MYOF: variants seen among roughly 807,000 people sequenced by gnomAD.
MYOF encodes fer-1-like 3, myoferlin.
Under a neutral mutation model 284.2 loss-of-function variants are expected in MYOF, and 244 were observed. The ratio of observed to expected loss-of-function variants is 0.86; its 90% CI spans 0.77 to 0.95. The LOEUF (loss-of-function observed/expected upper bound fraction) is 0.95, where lower values mean the gene tolerates loss of function less well. MYOF is among the 40% of genes least tolerant of loss of function. MYOF has a pLI of 0.00. For synonymous variants in MYOF, 904 were observed against 919.7 expected (o/e 0.98, Z 0.31); for missense variants, 2,496 against 2,560.6 (o/e 0.97, Z 0.54).
intron 1 of MYOF, 139 bp from the exon 2 acceptor site, chr10:93,457,076 T>G: frequency 1.6e-5 from 10 of 619,166 alleles, no homozygotes; most frequent in Non-Finnish European, 2.5e-5. Context: ...GATGGGTGTT[T>G]ACCTGAATCA....
At chr10:93,422,187 A>C (rs1403126757) in intron 5 of MYOF, among the ~76,000 whole-genome samples, 1 of 152,268 alleles carries the variant, frequency 6.6e-6, no homozygotes, top group Admixed American at 6.5e-5. Context: ...CCCTGCAGAC[A>C]CAGCTCATTT....
intron 1 of MYOF, among the ~76,000 whole-genome samples, chr10:93,460,914 G>A (rs1157999089): frequency 1.3e-5 from 2 of 152,070 alleles, no homozygotes; most frequent in African/African-American, 4.8e-5. Flanking sequence ...TGGCCAACTT[G>A]GTGAAACCCA....
At chr10:93,432,283 A>C (rs1305221354) in intron 3 of MYOF, among the ~76,000 whole-genome samples, 1 of 152,042 alleles carries the variant, frequency 6.6e-6, no homozygotes, top group African/African-American at 2.4e-5. Context: ...AGCTACATGG[A>C]AGAATAAGAT....
intron 43 of MYOF, among the ~76,000 whole-genome samples, chr10:93,331,140 C>A (rs1018816635): frequency 1.3e-5 from 2 of 152,120 alleles, no homozygotes; most frequent in Non-Finnish European, 2.9e-5. Context: ...GTGGAAGACA[C>A]CGATATTCTT....
intron 24 of MYOF, among the ~76,000 whole-genome samples, chr10:93,371,993 T>A (rs983630196): frequency 2.6e-5 from 4 of 152,208 alleles, no homozygotes; most frequent in African/African-American, 9.6e-5. Context: ...TGTGGTTCTA[T>A]CTTAAGTAAA....
intron 7 of MYOF, among the ~76,000 whole-genome samples, chr10:93,405,095 T>C (rs1252174557): frequency 6.6e-6 from 1 of 150,416 alleles, no homozygotes; most frequent in Non-Finnish European, 1.5e-5. Flanking sequence ...TCACCAATTG[T>C]TCCATTTTTG....
chr10:93,355,757 C>A, intron 30 of MYOF, 21 bp from the exon 31 acceptor site: 1 of 1,582,112 alleles, frequency 6.3e-7, no homozygotes, highest in African/African-American at 1.3e-5. Flanking sequence ...TTAACAGAGT[C>A]AATTAGCAGA....
At chr10:93,361,126 G>A (rs1845050958) in intron 28 of MYOF, among the ~76,000 whole-genome samples, 1 of 152,188 alleles carries the variant, frequency 6.6e-6, no homozygotes, top group Non-Finnish European at 1.5e-5. Flanking sequence ...GAGGGAGGAT[G>A]GCTAGATTCC....
At chr10:93,460,698 C>T (rs1321200689) in intron 1 of MYOF, among the ~76,000 whole-genome samples, 5 of 145,074 alleles carry the variant, frequency 3.4e-5, no homozygotes, top group East Asian at 2.1e-4. Context: ...ACCCAGGAGG[C>T]GGAAGTTGCA....
Position 93,343,867 on chromosome 10 carries a change from G to A in MYOF, c.4315C>T (p.Leu1439=), listed in dbSNP as rs1369580508. The A allele has an allele frequency of 6.2e-7, 1 of 1,614,190 alleles. No individual in the cohort carries two copies. The highest frequency in any genetic ancestry group is 1.1e-5 in the South Asian group (1 of 91,080). ...VIEMEDTKPL[L]ASKLTEKEEE... is the part of the protein sequence containing the mutation. Reference sequence around the variant, plus strand: ...GCTCTGAAGCCTACCTTAGAAGCCAGTAATGGTTTGGTGTCTTCCATTTCG... The same window carrying A: ...GCTCTGAAGCCTACCTTAGAAGCCAATAATGGTTTGGTGTCTTCCATTTCG... Residue 1439 remains leucine, a synonymous_variant, in exon 38 of 54, where the codon CTG becomes TTG. Transcript: ENST00000359263.
intron 38 of MYOF, 165 bp from the exon 39 acceptor site, chr10:93,340,329 C>A: frequency 1.4e-6 from 1 of 689,674 alleles, no homozygotes; most frequent in African/African-American, 1.8e-5. Flanking sequence ...TTAAAATTTT[C>A]TAAGTCAGGA....
intron 5 of MYOF, among the ~76,000 whole-genome samples, chr10:93,411,815 T>C (rs1847912136): frequency 6.6e-6 from 1 of 152,186 alleles, no homozygotes; most frequent in African/African-American, 2.4e-5. Context: ...TCCGTGCCCT[T>C]TTCTGTATCT....
chr10:93,309,948 C>T (rs560695135), intron 53 of MYOF, 72 bp downstream of exon 53: 3 of 1,586,006 alleles, frequency 1.9e-6, no homozygotes, highest in Non-Finnish European at 2.6e-6. Context: ...GTGGTCAGGG[C>T]AGATGCCAAG....
At chr10:93,406,288 T>TTTTATATATATATATATA (rs1271223936) in intron 7 of MYOF, among the ~76,000 whole-genome samples, 58 of 58,140 alleles carry the variant, frequency 1.0e-3, no homozygotes, top group African/African-American at 1.9e-3. Context: ...TAAACCTCTT[T>TTTTATATATATATATATA]TATATATATA....
At chr10:93,404,355 T>A in intron 7 of MYOF, 136 bp from the exon 8 acceptor site, 2 of 811,236 alleles carry the variant, frequency 2.5e-6, no homozygotes, top group Non-Finnish European at 4.0e-6. Context: ...TGTGAACACA[T>A]GGCAAGGCCT....
intron 3 of MYOF, among the ~76,000 whole-genome samples, chr10:93,440,951 G>C (rs1035836044): frequency 6.6e-6 from 1 of 152,318 alleles, no homozygotes; most frequent in South Asian, 2.1e-4. Flanking sequence ...TCCCCGTATA[G>C]AGACAGCCAG....
rs759754924 is a variant in MYOF at position 93,377,312 on chromosome 10, G to A, written c.2108+11C>T. ...GATGAAAATTCTGAGATAGGCGTAA[G>A]ATCACTGTACCTCGTGTCTTCTATA... is the stretch of plus-strand genomic sequence containing the variant. On this transcript the variant is annotated intron_variant, in intron 22 of 53. Coordinates refer to ENST00000359263, the MANE Select transcript of MYOF (RefSeq NM_013451.4). 4.4e-6 allele frequency: 7 copies of A among 1,599,730 alleles called. No individual in the cohort carries two copies. The highest frequency in any genetic ancestry group is 3.3e-4 in the Middle Eastern group (2 of 6,044).
chr10:93,383,902 C>T (rs1846237825), intron 19 of MYOF, among the ~76,000 whole-genome samples: 1 of 152,134 alleles, frequency 6.6e-6, no homozygotes, highest in Non-Finnish European at 1.5e-5. Context: ...GGCTCTACCC[C>T]GTAGGCCTCC....
chr10:93,373,634 A>C (rs1001075720), intron 23 of MYOF, among the ~76,000 whole-genome samples: 54 of 152,228 alleles, frequency 3.5e-4, no homozygotes, highest in Non-Finnish European at 5.1e-4. Flanking sequence ...ACACTGTGAA[A>C]GTACCAAAGC....
Sources: gnomAD v4.1 joint callset for allele counts (sites outside exome capture counted in the v4.1 genomes callset) on GRCh38, gnomAD v4.1.1 for gene constraint, MANE v1.5 for transcripts, NCBI Gene and HGNC (gene_info 2026-07-23, HGNC 2026-07-21) for gene names.